Variants in DISC1 observed in about 807,000 individuals in gnomAD.
The protein encoded by DISC1 is disrupted in schizophrenia 1 protein.
A neutral mutation model predicts 84.5 loss-of-function variants in DISC1; 57 were observed. That is an observed-to-expected ratio of 0.67 (90% CI 0.55 to 0.84). DISC1 has a LOEUF of 0.84. Ranked by LOEUF, DISC1 falls within the 40% of genes least tolerant of loss-of-function variation. DISC1 has a pLI of 0.00. For synonymous variants in DISC1, 411 were observed against 415.2 expected, an observed-to-expected ratio of 0.99 and a Z score of 0.12; for missense variants, 1,000 against 1,057.8, an observed-to-expected ratio of 0.95 and a Z score of 0.76.
intron 3 of DISC1, among the ~76,000 whole-genome samples, chr1:231,743,594 C>A (rs532279100): frequency 5.9e-5 from 9 of 152,268 alleles, no homozygotes; most frequent in African/African-American, 2.2e-4. Flanking sequence ...AACATTTGAA[C>A]GCTTGGTGTC....
chr1:232,013,802 G>A (rs999613867), intron 11 of DISC1, among the ~76,000 whole-genome samples: 1 of 152,146 alleles, frequency 6.6e-6, no homozygotes, highest in East Asian at 1.9e-4. Flanking sequence ...GGGCCTTCAA[G>A]GGAGAAGGAA....
intron 3 of DISC1, among the ~76,000 whole-genome samples, chr1:231,740,153 C>G (rs2073057519): frequency 6.6e-6 from 1 of 152,202 alleles, no homozygotes; most frequent in African/African-American, 2.4e-5. Flanking sequence ...CTCCAGAACT[C>G]TGGGCAATAC....
At chr1:231,685,018 A>G (rs1020493001) in intron 1 of DISC1, 2 of 152,246 alleles carry the variant, frequency 1.3e-5, no homozygotes, top group African/African-American at 4.8e-5. Context: ...GTGAATAATC[A>G]TGCCTGGGAA....
chr1:231,974,928 G>T (rs769773758), intron 10 of DISC1, among the ~76,000 whole-genome samples: 1 of 151,936 alleles, frequency 6.6e-6, no homozygotes, highest in Non-Finnish European at 1.5e-5. Flanking sequence ...GTGAAACCCC[G>T]TCTCCACTAA....
At chr1:231,958,678 T>A (rs577080107) in intron 9 of DISC1, 150 bp from the exon 10 acceptor site, 1 of 810,454 alleles carries the variant, frequency 1.2e-6, no homozygotes, top group Non-Finnish European at 2.0e-6. Flanking sequence ...AGGCAGCCAC[T>A]CCAGTGGATT....
chr1:231,832,545 C>T (rs1166912369), intron 9 of DISC1, among the ~76,000 whole-genome samples: 1 of 151,846 alleles, frequency 6.6e-6, no homozygotes, highest in Non-Finnish European at 1.5e-5. Context: ...TTGGACTTGA[C>T]TGAAGTAATG....
chr1:231,979,303 C>T (rs1216331595), intron 10 of DISC1, among the ~76,000 whole-genome samples: 3 of 151,814 alleles, frequency 2.0e-5, no homozygotes, highest in African/African-American at 7.3e-5. Flanking sequence ...GCGTTTGAAT[C>T]ACCCCGAAAC....
At chr1:232,007,962 C>T (rs1242641272) in intron 10 of DISC1, among the ~76,000 whole-genome samples, 2 of 152,090 alleles carry the variant, frequency 1.3e-5, no homozygotes, top group Non-Finnish European at 2.9e-5. Flanking sequence ...GGGCTCTTTC[C>T]CCCTGCGTTC....
intron 10 of DISC1, among the ~76,000 whole-genome samples, chr1:231,965,375 C>A (rs1403931391): frequency 6.6e-6 from 1 of 152,086 alleles, no homozygotes; most frequent in Non-Finnish European, 1.5e-5. Flanking sequence ...TCTCCTTATC[C>A]ATAGCCAAAT....
chr1:231,651,226 T>C (rs2060596308), intron 1 of DISC1, among the ~76,000 whole-genome samples: 1 of 152,228 alleles, frequency 6.6e-6, no homozygotes. Flanking sequence ...TCTTTGAAGA[T>C]GGTGACCTAC....
chr1:231,894,601 T>C (rs961901030), intron 9 of DISC1, among the ~76,000 whole-genome samples: 1 of 152,170 alleles, frequency 6.6e-6, no homozygotes, highest in Non-Finnish European at 1.5e-5. Flanking sequence ...AGTTTTGTTC[T>C]GTAGCTTTAC....
Position 231,800,143 on chromosome 1 carries a change from G to A in DISC1, c.1725G>A (p.Arg575=). Residue 575 remains arginine (R), a synonymous_variant, in exon 8 of 13, where the codon AGG becomes AGA. Transcript: ENST00000439617. ...GTGAGAAATTCTGCAGCACCCTGAG[G>A]AAGAAAGTTAACGATATTGAAACCC... The part of the protein sequence containing the change: ...CMSEKFCSTL[R]KKVNDIETQL... 1.2e-6 allele frequency: 2 copies of A among 1,611,658 alleles called. No homozygotes were observed. The highest frequency in any genetic ancestry group is 1.7e-6 in the Non-Finnish European group (2 of 1,179,668).
In DISC1 at chr1:232,023,933, T is replaced by C. The variant is rs550859682; in HGVS notation, c.2308-2502T>C. ...ATTTATTTCATGTGTGATGACGGTG[T>C]TGCTCATTATCCAGTGTCTACACTT... On this transcript the variant is annotated intron_variant, in intron 11 of 12. Coordinates refer to ENST00000439617, the MANE Select transcript of DISC1 (RefSeq NM_018662.3). 1.2e-4 allele frequency among the ~76,000 whole-genome samples: 18 copies of C among 152,168 alleles called. No individual in the cohort carries two copies. The South Asian group carries it at 3.7e-3, about 32-fold the overall frequency.
Position 231,918,467 on chromosome 1 carries a change from G to A in DISC1, c.1982-40361G>A, listed in dbSNP as rs529463712. On this transcript the variant is annotated intron_variant, in intron 9 of 12. Transcript: ENST00000439617. ...TTGTGGGTTGTGTTTGAGGTAGGAGGACCTTGTTGATGGTTGCATTCCAAT... is the reference window on the plus strand; with the variant it reads ...TTGTGGGTTGTGTTTGAGGTAGGAGAACCTTGTTGATGGTTGCATTCCAAT... Among the ~76,000 whole-genome samples, 8 of 152,304 alleles carry A rather than the reference G, an allele frequency of 5.3e-5. No homozygotes were observed. In the South Asian group the frequency reaches 1.7e-3, roughly 32 times the overall value.
intron 9 of DISC1, among the ~76,000 whole-genome samples, chr1:231,949,911 C>G (rs919055775): frequency 6.6e-6 from 1 of 152,170 alleles, no homozygotes; most frequent in Non-Finnish European, 1.5e-5. Flanking sequence ...GGCATAAAAC[C>G]CAAGTGGGTC....
At chr1:231,932,794 C>G (rs2090747189) in intron 9 of DISC1, among the ~76,000 whole-genome samples, 1 of 152,102 alleles carries the variant, frequency 6.6e-6, no homozygotes, top group African/African-American at 2.4e-5. Context: ...AATAATGTAT[C>G]CTGTAGTAGA....
intron 1 of DISC1, 146 bp downstream of exon 1, chr1:231,627,080 A>G (rs2058313756): frequency 3.6e-6 from 2 of 561,792 alleles, no homozygotes; most frequent in East Asian, 3.4e-5. Context: ...GCAGGACGCG[A>G]GGCGTGCGAG....
intron 10 of DISC1, among the ~76,000 whole-genome samples, chr1:231,961,491 A>G (rs1241677053): frequency 6.6e-6 from 1 of 152,220 alleles, no homozygotes; most frequent in Non-Finnish European, 1.5e-5. Context: ...TCACTCAAGT[A>G]GTAAGCACAG....
At chr1:231,773,062 A>G (rs781124223) in intron 6 of DISC1, among the ~76,000 whole-genome samples, 5 of 152,334 alleles carry the variant, frequency 3.3e-5, no homozygotes, top group Non-Finnish European at 7.3e-5. Flanking sequence ...TGAGGAATCA[A>G]AAACTCAGAA....
Sources: gnomAD v4.1 joint callset for allele counts (sites outside exome capture counted in the v4.1 genomes callset) on GRCh38, gnomAD v4.1.1 for gene constraint, MANE v1.5 for transcripts, NCBI Gene and HGNC (gene_info 2026-07-23, HGNC 2026-07-21) for gene names.